Variants in MAGI2 observed in about 807,000 individuals in gnomAD.
MAGI2 encodes the protein membrane associated guanylate kinase, WW and PDZ domain containing 2.
Under a neutral mutation model 133.3 loss-of-function variants are expected in MAGI2, and 35 were observed. That is an observed-to-expected ratio of 0.26 (90% confidence interval 0.20 to 0.35). The LOEUF (loss-of-function observed/expected upper bound fraction) is 0.35. Ranked by LOEUF, MAGI2 falls within the 10% of genes least tolerant of loss-of-function variation. The probability of loss-of-function intolerance (pLI) is 1.00; values close to 1 mark genes in which losing one functional copy is unlikely to be tolerated. For synonymous variants in MAGI2, 729 were observed against 710.6 expected (o/e 1.03, Z -0.41); for missense variants, 1,636 against 1,863.4 (o/e 0.88, Z 2.25).
intron 1 of MAGI2, among the ~76,000 whole-genome samples, chr7:79,299,573 AG>A (rs1437284387): frequency 6.6e-6 from 1 of 150,630 alleles, no homozygotes; most frequent in Non-Finnish European, 1.5e-5. Flanking sequence ...AAAAAAAAAA[AG>A]ATATCTTTAT....
At chr7:79,082,555 C>A (rs1816134653) in intron 1 of MAGI2, among the ~76,000 whole-genome samples, 1 of 151,944 alleles carries the variant, frequency 6.6e-6, no homozygotes, top group African/African-American at 2.4e-5. Flanking sequence ...ATTTCTGGAC[C>A]CCAAATTCTG....
rs1182418181 is a variant in MAGI2, at chr7:78,573,062, TATATATATATATATAC to T, written c.539-51433_539-51418del. On this transcript the variant is annotated intron_variant, in intron 3 of 21. Coordinates refer to ENST00000354212, the MANE Select transcript of MAGI2 (RefSeq NM_012301.4). Reference sequence around the variant, plus strand: ...ATATATATATATATATATATATATATATATATATATATATACACACACACACACACACGGAGAGATA... The same window carrying T: ...ATATATATATATATATATATATATATACACACACACACACACGGAGAGATA... Among the ~76,000 whole-genome samples, 78 of 100,114 alleles carry T rather than the reference TATATATATATATATAC, an allele frequency of 7.8e-4. 2 individuals are homozygous for T. The highest frequency in any genetic ancestry group is 9.2e-3 in the Middle Eastern group (2 of 218). The allele number at this position is 100,114 out of a possible 152,430, so 65.7% of individuals were successfully genotyped here.
chr7:79,011,908 CCTTCCTTCCTTCCTTCCTTTCTTT>C (rs1425920891), intron 1 of MAGI2, among the ~76,000 whole-genome samples: 3 of 137,130 alleles, frequency 2.2e-5, no homozygotes, highest in Non-Finnish European at 3.1e-5. Flanking sequence ...TTCCTTCCTT[CCTTCCTTCCTTCCTTCCTTTCTTT>C]CTTTCTTTCT....
chr7:78,926,721 G>T (rs148134884), intron 2 of MAGI2, among the ~76,000 whole-genome samples: 4 of 151,984 alleles, frequency 2.6e-5, no homozygotes, highest in Non-Finnish European at 4.4e-5. Context: ...ATGAGTTAAT[G>T]ATTTATTTTT....
chr7:78,918,474 T>C (rs1332997026), intron 2 of MAGI2, among the ~76,000 whole-genome samples: 2 of 152,132 alleles, frequency 1.3e-5, no homozygotes, highest in African/African-American at 2.4e-5. Context: ...ACAATGAAGT[T>C]TATATTTAAC....
intron 1 of MAGI2, among the ~76,000 whole-genome samples, chr7:79,228,130 G>A (rs1013252034): frequency 6.6e-6 from 1 of 151,768 alleles, no homozygotes; most frequent in African/African-American, 2.4e-5. Context: ...GATCACTTGA[G>A]GCCAGGAGTT....
At chr7:78,870,833 A>G (rs1168341481) in intron 2 of MAGI2, among the ~76,000 whole-genome samples, 11 of 152,290 alleles carry the variant, frequency 7.2e-5, no homozygotes, top group Non-Finnish European at 1.5e-5. Context: ...TAAAGAAAAT[A>G]CGGTATATAT....
At chr7:78,182,719 T>A (rs747708840) in intron 13 of MAGI2, among the ~76,000 whole-genome samples, 3 of 152,220 alleles carry the variant, frequency 2.0e-5, no homozygotes, top group Non-Finnish European at 4.4e-5. Flanking sequence ...AGTGCCTTAT[T>A]TGATATCGTT....
At chr7:79,172,386 A>G (rs1261212065) in intron 1 of MAGI2, among the ~76,000 whole-genome samples, 1 of 152,102 alleles carries the variant, frequency 6.6e-6, no homozygotes, top group Non-Finnish European at 1.5e-5. Flanking sequence ...AATTGACATG[A>G]AAATCTCTTT....
intron 10 of MAGI2, among the ~76,000 whole-genome samples, chr7:78,208,680 T>G (rs1787377484): frequency 8.8e-6 from 1 of 113,240 alleles, no homozygotes; most frequent in South Asian, 3.6e-4. Flanking sequence ...TAAAAAATGG[T>G]GAATGTATAG....
intron 9 of MAGI2, among the ~76,000 whole-genome samples, chr7:78,292,704 AAAAACAGCACGGTACTGGTACG>A (rs2151045880): frequency 6.6e-6 from 1 of 152,256 alleles, no homozygotes; most frequent in Non-Finnish European, 1.5e-5. Context: ...CTACAGTAAC[AAAAACAGCACGGTACTGGTACG>A]AAAACAGAGA....
intron 6 of MAGI2, among the ~76,000 whole-genome samples, chr7:78,402,216 TC>T (rs1796938760): frequency 6.7e-6 from 1 of 150,364 alleles, no homozygotes; most frequent in Non-Finnish European, 1.5e-5. Flanking sequence ...TGTGTGTGTA[TC>T]CACCTGAGGT....
intron 4 of MAGI2, among the ~76,000 whole-genome samples, chr7:78,516,190 T>C (rs1284139009): frequency 6.6e-6 from 1 of 152,140 alleles, no homozygotes; most frequent in East Asian, 1.9e-4. Flanking sequence ...GTGTGTAGTG[T>C]GGATGAGAGA....
chr7:78,869,349 G>A (rs926116561), intron 2 of MAGI2, among the ~76,000 whole-genome samples: 1 of 152,072 alleles, frequency 6.6e-6, no homozygotes, highest in South Asian at 2.1e-4. Flanking sequence ...GAATTTTTAT[G>A]GGTTCAGGTT....
intron 9 of MAGI2, among the ~76,000 whole-genome samples, chr7:78,314,578 T>G (rs932008579): frequency 6.6e-6 from 1 of 152,146 alleles, no homozygotes; most frequent in African/African-American, 2.4e-5. Context: ...TTGGCTCTAT[T>G]AGTAACAGTT....
In MAGI2 at chr7:78,215,974, A is replaced by G. The variant is rs139085031; in HGVS notation, c.2048-14781T>C. 7.6e-3 allele frequency among the ~76,000 whole-genome samples: 1,157 copies of G among 152,318 alleles called. 17 individuals are homozygous for G. The highest frequency in any genetic ancestry group is 0.026 in the African/African-American group (1,100 of 41,542). Reference sequence around the variant, plus strand: ...TATTTTGGCACAATTTTTCTGGTAAACATGCTAATCTCTTTCCCACTGATA... The same window carrying G: ...TATTTTGGCACAATTTTTCTGGTAAGCATGCTAATCTCTTTCCCACTGATA... On this transcript the variant is annotated intron_variant, in intron 10 of 21. Transcript: ENST00000354212.
At chr7:78,026,673 C>T (rs752395596) in intron 21 of MAGI2, among the ~76,000 whole-genome samples, 3 of 144,710 alleles carry the variant, frequency 2.1e-5, no homozygotes, top group Admixed American at 6.9e-5. Flanking sequence ...CGGGTGGGGC[C>T]GGAGGTGGGG....
chr7:79,264,609 A>C (rs1385234271), intron 1 of MAGI2, among the ~76,000 whole-genome samples: 1 of 152,166 alleles, frequency 6.6e-6, no homozygotes, highest in Non-Finnish European at 1.5e-5. Flanking sequence ...TATATGAAAA[A>C]ATATTTAAGA....
At chr7:79,012,911 G>A (rs538833123) in intron 1 of MAGI2, among the ~76,000 whole-genome samples, 1 of 152,212 alleles carries the variant, frequency 6.6e-6, no homozygotes, top group South Asian at 2.1e-4. Flanking sequence ...TCCACACATG[G>A]CCAAGAGGAA....
Sources: gnomAD v4.1 joint callset for allele counts (sites outside exome capture counted in the v4.1 genomes callset) on GRCh38, gnomAD v4.1.1 for gene constraint, MANE v1.5 for transcripts, NCBI Gene and HGNC (gene_info 2026-07-23, HGNC 2026-07-21) for gene names.